PUM2: variants seen among roughly 807,000 people sequenced by gnomAD.
The protein encoded by PUM2 is pumilio homolog 2.
Under a neutral mutation model 124.5 loss-of-function variants are expected in PUM2, and 57 were observed. The observed-to-expected ratio is 0.46, with a 90% CI of 0.37 to 0.57. The LOEUF is 0.57. PUM2 is among the 20% of genes least tolerant of loss of function. The pLI is 0.00. For missense variants in PUM2, 1,065 were observed against 1,290.6 expected, an observed-to-expected ratio of 0.83 and a Z score of 2.68; for synonymous variants, 460 against 446.1, an observed-to-expected ratio of 1.03 and a Z score of -0.39.
chr2:20,255,379 G>T (rs759978543), intron 17 of PUM2, 38 bp from the exon 18 acceptor site: 1 of 1,581,582 alleles, frequency 6.3e-7, no homozygotes, highest in South Asian at 1.1e-5. Flanking sequence ...TGTATTCTCT[G>T]ACATTTTTGA....
chr2:20,295,548 G>A (rs1164334611), intron 8 of PUM2, among the ~76,000 whole-genome samples: 1 of 151,366 alleles, frequency 6.6e-6, no homozygotes, highest in African/African-American at 2.4e-5. Flanking sequence ...AGGGTACATT[G>A]TAAAAATAAA....
At chr2:20,325,018 T>G (rs1263268642) in intron 2 of PUM2, among the ~76,000 whole-genome samples, 1 of 150,490 alleles carries the variant, frequency 6.6e-6, no homozygotes, top group Admixed American at 6.6e-5. Flanking sequence ...ATGAATGAAT[T>G]CTGGGATATA....
intron 15 of PUM2, 103 bp from the exon 16 acceptor site, chr2:20,258,474 G>T: frequency 1.8e-6 from 2 of 1,140,648 alleles, no homozygotes; most frequent in Non-Finnish European, 2.5e-6. Context: ...CAGTAACTAT[G>T]TAGGGCAGGG....
intron 1 of PUM2, among the ~76,000 whole-genome samples, chr2:20,336,558 C>G (rs1363525987): frequency 6.6e-6 from 1 of 151,596 alleles, no homozygotes; most frequent in East Asian, 1.9e-4. Context: ...GCTCTGTTGC[C>G]CAAGATGGAG....
At chr2:20,257,043 C>CAAAAAAAAAAAAAAAAAAAAAA (rs58072146) in intron 16 of PUM2, among the ~76,000 whole-genome samples, 1 of 71,796 alleles carries the variant, frequency 1.4e-5, no homozygotes, top group African/African-American at 5.9e-5. Flanking sequence ...GATTCCGTCT[C>CAAAAAAAAAAAAAAAAAAAAAA]AAAAAAAAAA....
At chr2:20,283,553 G>T in intron 10 of PUM2, 67 bp from the exon 11 acceptor site, 1 of 1,480,900 alleles carries the variant, frequency 6.8e-7, no homozygotes, top group Non-Finnish European at 9.2e-7. Context: ...GTTTTTCCCT[G>T]CATTTGTATT....
At chr2:20,296,034 A>G (rs1279720072) in intron 8 of PUM2, among the ~76,000 whole-genome samples, 1 of 152,222 alleles carries the variant, frequency 6.6e-6, no homozygotes, top group African/African-American at 2.4e-5. Context: ...CCAACACTTT[A>G]CATAGTAACA....
At chr2:20,349,729 T>C (rs1688935229) in intron 1 of PUM2, among the ~76,000 whole-genome samples, 1 of 152,206 alleles carries the variant, frequency 6.6e-6, no homozygotes, top group Non-Finnish European at 1.5e-5. Flanking sequence ...TTTTCTCATG[T>C]TTTCCTTCAC....
intron 19 of PUM2, 54 bp downstream of exon 19, chr2:20,254,808 TA>T: frequency 6.4e-7 from 1 of 1,557,924 alleles, no homozygotes. Flanking sequence ...TGATAACTAA[TA>T]AAAGTCAATG....
chr2:20,271,839 T>A (rs1254314701), intron 13 of PUM2, among the ~76,000 whole-genome samples: 2 of 152,190 alleles, frequency 1.3e-5, no homozygotes, highest in African/African-American at 2.4e-5. Context: ...ATGGTCCTTT[T>A]AATTTATTCG....
At chr2:20,287,506 G>GA (rs201758865) in intron 10 of PUM2, among the ~76,000 whole-genome samples, 4,336 of 151,220 alleles carry the variant, frequency 0.029, 61 homozygotes, top group Middle Eastern at 0.048. Flanking sequence ...TTTTAAGCTA[G>GA]AAAAAAAAAG....
intron 13 of PUM2, among the ~76,000 whole-genome samples, chr2:20,270,567 A>C (rs939848313): frequency 3.3e-5 from 5 of 151,998 alleles, no homozygotes; most frequent in African/African-American, 2.4e-5. Context: ...CACACACACA[A>C]AACAAAAACT....
At chr2:20,313,835 CAAAAAAAA>C (rs35569645) in intron 3 of PUM2, among the ~76,000 whole-genome samples, 1 of 55,028 alleles carries the variant, frequency 1.8e-5, no homozygotes, top group African/African-American at 5.6e-5. Context: ...GATCCTGTCT[CAAAAAAAA>C]AAAAAAAAAA....
chr2:20,303,137 G>A (rs1363362364), intron 7 of PUM2, among the ~76,000 whole-genome samples: 1 of 151,980 alleles, frequency 6.6e-6, no homozygotes, highest in Non-Finnish European at 1.5e-5. Flanking sequence ...CTGGATTCCT[G>A]TCTCCTTGTT....
chr2:20,298,840 G>GAAT, intron 7 of PUM2, among the ~76,000 whole-genome samples: 1 of 152,194 alleles, frequency 6.6e-6, no homozygotes, highest in Non-Finnish European at 1.5e-5. Context: ...CTCCGTCTCA[G>GAAT]AATAATAACA....
intron 17 of PUM2, 76 bp from the exon 18 acceptor site, chr2:20,255,417 T>C (rs949588359): frequency 7.8e-6 from 7 of 896,332 alleles, no homozygotes; most frequent in African/African-American, 2.8e-5. Context: ...ACTGGTTTGT[T>C]TTTTTTTTTT....
intron 13 of PUM2, among the ~76,000 whole-genome samples, chr2:20,277,010 T>A (rs1670422258): frequency 6.6e-6 from 1 of 152,104 alleles, no homozygotes; most frequent in Non-Finnish European, 1.5e-5. Flanking sequence ...TCTAGATTGC[T>A]GTTCAATCAT....
In PUM2 at chr2:20,299,356, TGA is replaced by T. The variant is rs147730755; in HGVS notation, c.884-1680_884-1679del. Among the ~76,000 whole-genome samples the T allele has an allele frequency of 2.6e-3, 389 of 152,008 alleles. 2 individuals carry two copies. The highest frequency in any genetic ancestry group is 8.8e-3 in the African/African-American group (364 of 41,454). ...AGAAGTAGTCTGTGTTGTCATGGCA[TGA>T]GAGTAGAGGAAAAACAAGGTTTTAG... On this transcript the variant is annotated intron_variant, in intron 7 of 20. Transcript: ENST00000361078.
intron 2 of PUM2, chr2:20,326,141 G>C: frequency 1.1e-6 from 1 of 912,558 alleles, no homozygotes; most frequent in South Asian, 1.7e-5. Flanking sequence ...TGAAGCTACA[G>C]ATTTTGTTTA....
Sources: allele counts gnomAD v4.1 joint callset (sites outside exome capture counted in the v4.1 genomes callset), GRCh38; gene constraint gnomAD v4.1.1; transcripts MANE v1.5; gene names NCBI Gene and HGNC (gene_info 2026-07-23, HGNC 2026-07-21).